Variants in PDGFD observed in about 807,000 individuals in gnomAD.
PDGFD encodes the protein platelet-derived growth factor D.
In PDGFD, 30 loss-of-function variants were observed where a neutral mutation model predicts 44.7. The ratio of observed to expected loss-of-function variants is 0.67; its 90% confidence interval spans 0.50 to 0.91. PDGFD has a LOEUF of 0.91. Ranked by LOEUF, PDGFD falls within the 40% of genes least tolerant of loss-of-function variation. PDGFD has a pLI of 0.00. For missense variants in PDGFD, 445 were observed against 457.8 expected (o/e 0.97, Z 0.25); for synonymous variants, 173 against 168.4 (o/e 1.03, Z -0.21).
intron 5 of PDGFD, among the ~76,000 whole-genome samples, chr11:103,936,338 A>G (rs1010963249): frequency 6.6e-6 from 1 of 152,176 alleles, no homozygotes; most frequent in Non-Finnish European, 1.5e-5. Context: ...GCAAGCACTC[A>G]GTTTCTAAAA....
intron 1 of PDGFD, among the ~76,000 whole-genome samples, chr11:104,051,020 C>T (rs1243387965): frequency 6.6e-6 from 1 of 152,070 alleles, no homozygotes; most frequent in Admixed American, 6.5e-5. Context: ...TTTCCTCAGG[C>T]CTTAGAGGTA....
intron 5 of PDGFD, among the ~76,000 whole-genome samples, chr11:103,942,626 C>G (rs1312484719): frequency 6.6e-6 from 1 of 151,952 alleles, no homozygotes; most frequent in Non-Finnish European, 1.5e-5. Flanking sequence ...GCACATAAAC[C>G]ACCCAGGCAC....
rs545231884 is a variant in PDGFD at position 103,916,511 on chromosome 11, A to G, written c.988-6692T>C. On this transcript the variant is annotated intron_variant, in intron 6 of 6. Coordinates refer to ENST00000393158, the MANE Select transcript of PDGFD (RefSeq NM_025208.5). ...GGTGGGAATGTAAATTAGTTCAACCATTGTGGAAGACAGTGTGGAGATTCC... is the reference window on the plus strand; with the variant it reads ...GGTGGGAATGTAAATTAGTTCAACCGTTGTGGAAGACAGTGTGGAGATTCC... Among the ~76,000 whole-genome samples the G allele has an allele frequency of 6.6e-5, 10 of 152,350 alleles. No individual in the cohort carries two copies. The South Asian group carries it at 2.1e-3, about 32-fold the overall frequency.
intron 1 of PDGFD, among the ~76,000 whole-genome samples, chr11:104,015,136 T>C (rs1859842037): frequency 6.6e-6 from 1 of 152,182 alleles, no homozygotes; most frequent in South Asian, 2.1e-4. Context: ...ATGTGCTACT[T>C]AAAAAAATTA....
At chr11:103,979,270 T>G (rs2134350174) in intron 3 of PDGFD, among the ~76,000 whole-genome samples, 1 of 152,248 alleles carries the variant, frequency 6.6e-6, no homozygotes, top group East Asian at 1.9e-4. Context: ...GGCTTTAAAC[T>G]GTTACCAGTC....
At chr11:104,087,019 G>GCCTTT (rs1861138913) in intron 1 of PDGFD, among the ~76,000 whole-genome samples, 1 of 94,202 alleles carries the variant, frequency 1.1e-5, no homozygotes, top group Non-Finnish European at 2.0e-5. Context: ...TAGGCTCTTA[G>GCCTTT]TCTTTTTTTT....
At chr11:103,912,563 T>A (rs1039185170) in intron 6 of PDGFD, among the ~76,000 whole-genome samples, 1 of 152,152 alleles carries the variant, frequency 6.6e-6, no homozygotes, top group Non-Finnish European at 1.5e-5. Flanking sequence ...ATGAAGAAAG[T>A]GCATCAACTA....
intron 1 of PDGFD, among the ~76,000 whole-genome samples, chr11:104,141,813 C>G (rs1020078590): frequency 2.0e-5 from 3 of 152,288 alleles, no homozygotes; most frequent in East Asian, 3.9e-4. Context: ...CAGGCCTCCC[C>G]TACGCCCTCC....
At position 104,015,072 on chromosome 11, in the gene PDGFD, G is replaced by A. The variant is rs371050343; in HGVS notation, c.125-14817C>T. Among the ~76,000 whole-genome samples, 7 of 152,136 alleles carry A rather than the reference G, an allele frequency of 4.6e-5. No individual in the cohort carries two copies. The South Asian group carries it at 6.2e-4, about 14-fold the overall frequency. On this transcript the variant is annotated intron_variant, in intron 1 of 6. Coordinates refer to ENST00000393158, the MANE Select transcript of PDGFD (RefSeq NM_025208.5). ...GGAAAAGATAGAACTTACTATTCCC[G>A]TCATTTGAAGGCTTCAAAGATATTG...
Position 104,142,220 on chromosome 11 carries a change from G to C in PDGFD, c.124+21584C>G, listed in dbSNP as rs546520350. On this transcript the variant is annotated intron_variant, in intron 1 of 6. Coordinates refer to ENST00000393158, the MANE Select transcript of PDGFD (RefSeq NM_025208.5). ...ATATGTTAAATATTATCATGAATCT[G>C]GGTATATGTATTCATGTGTGAATAT... Among the ~76,000 whole-genome samples the C allele has an allele frequency of 3.9e-5, 6 of 152,062 alleles. No individual in the cohort carries two copies. In the East Asian group the frequency reaches 1.2e-3, roughly 29 times the overall value.
intron 1 of PDGFD, among the ~76,000 whole-genome samples, chr11:104,011,680 G>A (rs1010775165): frequency 2.0e-5 from 3 of 151,920 alleles, no homozygotes; most frequent in Admixed American, 1.3e-4. Flanking sequence ...CATAATATAT[G>A]GATGAATTAT....
In PDGFD at chr11:103,908,127, A is replaced by G. The variant is rs1331790203; in HGVS notation, c.*1567T>C. On this transcript the variant is annotated 3_prime_UTR_variant, in exon 7 of 7. Coordinates refer to ENST00000393158, the MANE Select transcript of PDGFD (RefSeq NM_025208.5). ...TTGTAGTTAGTAGGACCACAAAGTC[A>G]CTGAAGAAATCTGCTTTCCTTTTAA... 1 of 152,222 alleles carries G rather than the reference A, an allele frequency of 6.6e-6. No individual in the cohort carries two copies. The highest frequency in any genetic ancestry group is 1.5e-5 in the Non-Finnish European group (1 of 68,042). The allele number at this position is 152,222 out of a possible 1,614,324, so 9.4% of individuals were successfully genotyped here.
intron 1 of PDGFD, 28 bp downstream of exon 1, chr11:104,163,776 C>T (rs1320549652): frequency 8.0e-6 from 12 of 1,493,666 alleles, no homozygotes; most frequent in South Asian, 2.8e-5. Flanking sequence ...ATTTTTTTTT[C>T]AGTTAAAAAA....
chr11:104,072,219 T>C (rs1211738304), intron 1 of PDGFD, among the ~76,000 whole-genome samples: 1 of 151,954 alleles, frequency 6.6e-6, no homozygotes, highest in African/African-American at 2.4e-5. Context: ...TTGAGTATCC[T>C]ATCTCAAAAC....
intron 1 of PDGFD, among the ~76,000 whole-genome samples, chr11:104,089,502 T>C (rs879346990): frequency 1.3e-5 from 2 of 152,144 alleles, no homozygotes; most frequent in Admixed American, 6.5e-5. Context: ...AGTTTATACA[T>C]AGGAAAAAAT....
intron 3 of PDGFD, among the ~76,000 whole-genome samples, chr11:103,955,467 T>C (rs1858829157): frequency 6.6e-6 from 1 of 152,156 alleles, no homozygotes; most frequent in Non-Finnish European, 1.5e-5. Context: ...TCTACAGGAA[T>C]AGAATAAAGC....
chr11:103,929,056 A>T (rs1161437572), intron 5 of PDGFD, among the ~76,000 whole-genome samples: 1 of 152,158 alleles, frequency 6.6e-6, no homozygotes, highest in Non-Finnish European at 1.5e-5. Context: ...GAAGGCAGAG[A>T]GGGACAGGAC....
At chr11:103,990,592 ACATGC>A (rs1859434714) in intron 3 of PDGFD, among the ~76,000 whole-genome samples, 1 of 152,178 alleles carries the variant, frequency 6.6e-6, no homozygotes, top group South Asian at 2.1e-4. Flanking sequence ...AGGGCACTGG[ACATGC>A]CTTGTCTGGC....
intron 1 of PDGFD, among the ~76,000 whole-genome samples, chr11:104,016,668 G>A (rs923103803): frequency 4.6e-5 from 7 of 152,206 alleles, no homozygotes; most frequent in African/African-American, 1.4e-4. Flanking sequence ...AGCTTTAAAA[G>A]GCCCTTGAAA....
Sources: gnomAD v4.1 joint callset for allele counts (sites outside exome capture counted in the v4.1 genomes callset) on GRCh38, gnomAD v4.1.1 for gene constraint, MANE v1.5 for transcripts, NCBI Gene and HGNC (gene_info 2026-07-23, HGNC 2026-07-21) for gene names.